The following C20orf203 variants were observed in gnomAD, a reference collection of about 807,000 sequenced individuals.
C20orf203 encodes the protein uncharacterized protein C20orf203.
In C20orf203, 16 loss-of-function variants were observed where a neutral mutation model predicts 15.9. The ratio of observed to expected loss-of-function variants is 1.01; its 90% confidence interval spans 0.68 to 1.53. The LOEUF is 1.53. C20orf203 is among the 40% of genes most tolerant of loss of function. C20orf203 has a pLI of 0.00. For missense variants in C20orf203, 263 were observed against 247.5 expected (o/e 1.06, Z -0.42); for synonymous variants, 98 against 97.2 (o/e 1.01, Z -0.05).
At chr20:32,651,347 C>CA (rs35552612) in intron 2 of C20orf203, among the ~76,000 whole-genome samples, 181 bp from the exon 3 acceptor site, 59,280 of 143,144 alleles carry the variant, frequency 0.41, 12,447 homozygotes, top group Middle Eastern at 0.52. Context: ...AAACCCTATT[C>CA]AAAAAAAAAA....
chr20:32,651,387 T>A, intron 2 of C20orf203, among the ~76,000 whole-genome samples: 1 of 150,822 alleles, frequency 6.6e-6, no homozygotes, highest in Non-Finnish European at 1.5e-5. Flanking sequence ...TTGGAGCAAA[T>A]GATCTCTGAG....
At chr20:32,661,277 G>T (rs1432699419) in intron 1 of C20orf203, among the ~76,000 whole-genome samples, 2 of 152,160 alleles carry the variant, frequency 1.3e-5, no homozygotes, top group African/African-American at 4.8e-5. Flanking sequence ...AGGTGAACCA[G>T]GCTCATCTCT....
intron 4 of C20orf203, among the ~76,000 whole-genome samples, chr20:32,644,177 G>A (rs756965058): frequency 9.2e-5 from 14 of 152,236 alleles, no homozygotes; most frequent in Non-Finnish European, 2.9e-5. Flanking sequence ...GCCAGGCACC[G>A]TGGCTTACGC....
chr20:32,645,460 C>A (rs1982398730), intron 4 of C20orf203, among the ~76,000 whole-genome samples: 1 of 152,140 alleles, frequency 6.6e-6, no homozygotes, highest in Non-Finnish European at 1.5e-5. Context: ...ATGACCCTGC[C>A]CCCCTGGGGG....
At chr20:32,671,649 G>A (rs914844245) in intron 1 of C20orf203, among the ~76,000 whole-genome samples, 3 of 151,670 alleles carry the variant, frequency 2.0e-5, no homozygotes, top group Non-Finnish European at 4.4e-5. Context: ...AGACCAGCCC[G>A]ACCAACATGG....
intron 1 of C20orf203, among the ~76,000 whole-genome samples, chr20:32,660,495 T>A (rs978311551): frequency 6.6e-6 from 1 of 152,204 alleles, no homozygotes; most frequent in Non-Finnish European, 1.5e-5. Flanking sequence ...TGCTTCTCCC[T>A]GAGTGCCCAT....
At chr20:32,665,293 G>T (rs1485571962) in intron 1 of C20orf203, among the ~76,000 whole-genome samples, 3 of 152,240 alleles carry the variant, frequency 2.0e-5, no homozygotes, top group African/African-American at 7.2e-5. Flanking sequence ...GCTGCAGAAT[G>T]CGGGACAGTT....
intron 1 of C20orf203, among the ~76,000 whole-genome samples, chr20:32,654,497 A>C (rs1982709962): frequency 6.6e-6 from 1 of 152,172 alleles, no homozygotes; most frequent in Non-Finnish European, 1.5e-5. Context: ...GCTGATCCTA[A>C]AATTCATATG....
rs1555816318 is a variant in C20orf203 at position 32,648,611 on chromosome 20, T to TG, written c.*1177+643_*1177+644insC. Among the ~76,000 whole-genome samples, 671 of 143,922 alleles carry TG rather than the reference T, an allele frequency of 4.7e-3. 11 individuals are homozygous for TG. The highest frequency in any genetic ancestry group is 0.017 in the African/African-American group (612 of 36,768). The allele number at this position is 143,922 out of a possible 152,430, so 94.4% of individuals were successfully genotyped here. A position where few individuals can be genotyped will look rare whatever the true frequency, so the allele number is the denominator to read the frequency against. On this transcript the variant is annotated intron_variant, in intron 4 of 5. Transcript: ENST00000608990. ...GCCTGCTGCCAAATCTGGCTAATTT[T>TG]TTTTTTTTGTGTGTGTGTTTTTAGT...
At chr20:32,634,650 C>G (rs888699378) in intron 5 of C20orf203, among the ~76,000 whole-genome samples, 1 of 152,048 alleles carries the variant, frequency 6.6e-6, no homozygotes, top group African/African-American at 2.4e-5. Flanking sequence ...AGGGGCCACA[C>G]TTGTCAAAGG....
intron 4 of C20orf203, among the ~76,000 whole-genome samples, chr20:32,647,409 AAAG>A (rs1294486409): frequency 6.0e-5 from 9 of 149,926 alleles, no homozygotes; most frequent in Middle Eastern, 3.6e-3. Context: ...AAAAAAAAAA[AAAG>A]AAGAACTAGG....
intron 1 of C20orf203, among the ~76,000 whole-genome samples, chr20:32,668,502 T>C (rs1983087102): frequency 6.6e-6 from 1 of 151,948 alleles, no homozygotes; most frequent in African/African-American, 2.4e-5. Context: ...GGCGGGTGCC[T>C]GCAGTCCCAG....
rs1483895000 is a variant in C20orf203, at chr20:32,632,245, G to A, written c.*3325C>T. The A allele has an allele frequency of 6.6e-6, 1 of 152,244 alleles. No individual in the cohort carries two copies. Among genetic ancestry groups the A allele is most frequent in the East Asian group, 1.9e-4 (1 of 5,196 alleles). 9.4% of individuals were successfully genotyped at this position (152,244 alleles called of 1,614,324 possible). ...CAGCAAGGTCAGGAGTGGGAGAGGG[G>A]AGAAGGCCTTTCATGGAGCACTCCT... On this transcript the variant is annotated 3_prime_UTR_variant, in exon 6 of 6. Coordinates refer to ENST00000608990, the MANE Select transcript of C20orf203 (RefSeq NM_182584.4).
chr20:32,670,170 A>T (rs1453795082), intron 1 of C20orf203, among the ~76,000 whole-genome samples: 4 of 151,974 alleles, frequency 2.6e-5, no homozygotes, highest in African/African-American at 9.7e-5. Context: ...AGATTGAGCC[A>T]CTGCACTCCA....
chr20:32,636,304 A>G (rs1206834285), intron 5 of C20orf203, among the ~76,000 whole-genome samples: 4 of 152,290 alleles, frequency 2.6e-5, no homozygotes, highest in East Asian at 1.9e-4. Flanking sequence ...ATTTGCCACA[A>G]TTTGCTTTTT....
chr20:32,652,306 G>A, intron 1 of C20orf203, among the ~76,000 whole-genome samples: 1 of 110,994 alleles, frequency 9.0e-6, no homozygotes, highest in Admixed American at 1.3e-4. Context: ...CTGGGCGACA[G>A]AGCAAGACTC....
intron 5 of C20orf203, among the ~76,000 whole-genome samples, chr20:32,635,712 G>A (rs150351711): frequency 1.3e-5 from 2 of 152,288 alleles, no homozygotes; most frequent in Non-Finnish European, 2.9e-5. Flanking sequence ...TCGGGAGGCT[G>A]AGGTGGGAGG....
chr20:32,663,796 G>C (rs767681531), intron 1 of C20orf203, among the ~76,000 whole-genome samples: 1 of 152,232 alleles, frequency 6.6e-6, no homozygotes, highest in Non-Finnish European at 1.5e-5. Flanking sequence ...CAGGCCACAG[G>C]AGGCCTAGGA....
chr20:32,667,174 A>AT (rs1379416877), intron 1 of C20orf203, among the ~76,000 whole-genome samples: 1 of 151,840 alleles, frequency 6.6e-6, no homozygotes, highest in Non-Finnish European at 1.5e-5. Flanking sequence ...AGGGGAGGAG[A>AT]TATGAGGTAA....
Sources: allele counts gnomAD v4.1 joint callset (sites outside exome capture counted in the v4.1 genomes callset), GRCh38; gene constraint gnomAD v4.1.1; transcripts MANE v1.5; gene names NCBI Gene and HGNC (gene_info 2026-07-23, HGNC 2026-07-21).